Variants in SOX5 observed in about 807,000 individuals in gnomAD.
SOX5 encodes transcription factor SOX-5.
Under a neutral mutation model 92.0 loss-of-function variants are expected in SOX5, and 9 were observed. The observed-to-expected ratio is 0.10, with a 90% CI of 0.06 to 0.17. The LOEUF (loss-of-function observed/expected upper bound fraction) is 0.17. SOX5 is among the 10% of genes least tolerant of loss of function. SOX5 has a pLI of 1.00. For synonymous variants in SOX5, 344 were observed against 336.3 expected (o/e 1.02, Z -0.25); for missense variants, 642 against 944.5 (o/e 0.68, Z 4.20).
At chr12:23,881,542 A>T (rs1435007209) in intron 2 of SOX5, among the ~76,000 whole-genome samples, 1 of 152,164 alleles carries the variant, frequency 6.6e-6, no homozygotes, top group East Asian at 1.9e-4. Flanking sequence ...TCCCACTTGC[A>T]TCGGCTTTTA....
chr12:24,230,413 G>A (rs1441309627), intron 3 of SOX5: 2 of 152,144 alleles, frequency 1.3e-5, no homozygotes, highest in Non-Finnish European at 1.5e-5. Context: ...TGGGGGAGGG[G>A]TAGAAAAACG....
At chr12:24,457,148 C>T (rs1021758796) in intron 1 of SOX5, among the ~76,000 whole-genome samples, 3 of 152,162 alleles carry the variant, frequency 2.0e-5, no homozygotes, top group African/African-American at 7.2e-5. Context: ...CTCAACACTA[C>T]ATTTTAAAGC....
intron 7 of SOX5, among the ~76,000 whole-genome samples, chr12:23,644,091 T>C (rs752899701): frequency 6.6e-6 from 1 of 152,160 alleles, no homozygotes; most frequent in African/African-American, 2.4e-5. Flanking sequence ...GCTAAAGTAA[T>C]GCTATTTTAC....
intron 1 of SOX5, among the ~76,000 whole-genome samples, chr12:23,905,853 A>G (rs2097288153): frequency 6.6e-6 from 1 of 152,182 alleles, no homozygotes; most frequent in Non-Finnish European, 1.5e-5. Context: ...CGTTCTACTA[A>G]AAATTCTGCC....
intron 2 of SOX5, among the ~76,000 whole-genome samples, chr12:23,849,794 T>A (rs2096611570): frequency 6.6e-6 from 1 of 152,240 alleles, no homozygotes. Context: ...TAAATTTTAA[T>A]GTTTAAAGAA....
intron 1 of SOX5, among the ~76,000 whole-genome samples, chr12:23,912,589 A>T (rs2097363285): frequency 6.6e-6 from 1 of 152,222 alleles, no homozygotes. Context: ...ACAGGCCAAG[A>T]ATCTGTTAAA....
At chr12:23,709,556 T>C (rs2091825881) in intron 6 of SOX5, among the ~76,000 whole-genome samples, 1 of 152,088 alleles carries the variant, frequency 6.6e-6, no homozygotes, top group Non-Finnish European at 1.5e-5. Flanking sequence ...GAAACCAAAA[T>C]CCTACGAGAG....
intron 2 of SOX5, among the ~76,000 whole-genome samples, chr12:23,862,067 A>T (rs892409667): frequency 1.3e-5 from 2 of 152,168 alleles, no homozygotes; most frequent in Non-Finnish European, 2.9e-5. Context: ...TTTCATTAAG[A>T]GGAAATGAAA....
intron 3 of SOX5, among the ~76,000 whole-genome samples, chr12:24,237,122 A>T (rs933461275): frequency 3.3e-5 from 5 of 152,212 alleles, no homozygotes; most frequent in African/African-American, 1.2e-4. Context: ...GTATGCTCTG[A>T]ATTTACCATG....
At chr12:24,116,743 A>G (rs530543961) in intron 4 of SOX5, among the ~76,000 whole-genome samples, 14 of 152,304 alleles carry the variant, frequency 9.2e-5, no homozygotes, top group African/African-American at 3.1e-4. Flanking sequence ...TGTTTGAGAA[A>G]TGCCATAGGG....
chr12:24,352,945 T>C (rs1481489432), intron 2 of SOX5, among the ~76,000 whole-genome samples: 3 of 152,068 alleles, frequency 2.0e-5, no homozygotes, highest in African/African-American at 7.2e-5. Context: ...AATTATGAGG[T>C]ATGAGATACC....
chr12:24,503,628 G>GGGAATACTAT (rs1948444484), intron 1 of SOX5, among the ~76,000 whole-genome samples: 2 of 152,108 alleles, frequency 1.3e-5, no homozygotes, highest in Non-Finnish European at 2.9e-5. Flanking sequence ...ATATACACCA[G>GGGAATACTAT]GGAATACTAT....
At chr12:24,281,169 G>A (rs1473958926) in intron 2 of SOX5, among the ~76,000 whole-genome samples, 1 of 149,816 alleles carries the variant, frequency 6.7e-6, no homozygotes, top group Non-Finnish European at 1.5e-5. Flanking sequence ...ACTAGCAACA[G>A]GTCAGCATGA....
chr12:24,103,518 C>A (rs570530497), intron 4 of SOX5, among the ~76,000 whole-genome samples: 60 of 152,088 alleles, frequency 3.9e-4, no homozygotes, highest in Non-Finnish European at 7.1e-4. Context: ...CCATGGCCAG[C>A]TAATATTTTT....
intron 4 of SOX5, among the ~76,000 whole-genome samples, chr12:24,037,456 A>T (rs1407836888): frequency 6.6e-6 from 1 of 152,184 alleles, no homozygotes; most frequent in Admixed American, 6.5e-5. Flanking sequence ...AACCATGTAT[A>T]GATAAAACAA....
chr12:23,779,812 T>TAC (rs1381686254), intron 3 of SOX5, among the ~76,000 whole-genome samples: 807 of 74,550 alleles, frequency 0.011, 6 homozygotes, highest in East Asian at 0.06. Flanking sequence ...TATATATATA[T>TAC]ATACACACAC....
chr12:23,889,309 C>A (rs966255891), intron 2 of SOX5, among the ~76,000 whole-genome samples: 1 of 152,086 alleles, frequency 6.6e-6, no homozygotes. Context: ...AAATAGAAAT[C>A]TTTACCATAC....
intron 13 of SOX5, among the ~76,000 whole-genome samples, chr12:23,538,442 G>GC (rs1184818213): frequency 1.1e-4 from 17 of 152,194 alleles, no homozygotes; most frequent in African/African-American, 3.9e-4. Flanking sequence ...TGTTTAAATA[G>GC]CATCATCCAA....
At chr12:24,439,635 C>T (rs1940122683) in intron 1 of SOX5, among the ~76,000 whole-genome samples, 1 of 152,210 alleles carries the variant, frequency 6.6e-6, no homozygotes, top group African/African-American at 2.4e-5. Flanking sequence ...TAGCTCACGA[C>T]TGTAATCCCA....
Sources: gnomAD v4.1 joint callset for allele counts (sites outside exome capture counted in the v4.1 genomes callset) on GRCh38, gnomAD v4.1.1 for gene constraint, MANE v1.5 for transcripts, NCBI Gene and HGNC (gene_info 2026-07-23, HGNC 2026-07-21) for gene names.